SACS: variants seen among roughly 807,000 people sequenced by gnomAD.
SACS encodes the protein sacsin molecular chaperone.
In SACS, 197 loss-of-function variants were observed where a neutral mutation model predicts 348.0. That is an observed-to-expected ratio of 0.57 (90% CI 0.50 to 0.64). The LOEUF (loss-of-function observed/expected upper bound fraction) is 0.64. Among genes scored for constraint, SACS ranks in the 30% least tolerant of loss-of-function variants. The pLI is 0.00. For missense variants in SACS, 4,999 were observed against 5,360.8 expected (o/e 0.93, Z 2.11); for synonymous variants, 1,985 against 1,910.6 (o/e 1.04, Z -1.02).
chr13:23,400,667 G>A (rs908185034), intron 2 of SACS, among the ~76,000 whole-genome samples: 6 of 150,946 alleles, frequency 4.0e-5, no homozygotes, highest in African/African-American at 9.7e-5. Flanking sequence ...TGATCCGCCC[G>A]CCTCGGCCTC....
chr13:23,396,307 G>C (rs1315656394), intron 2 of SACS, among the ~76,000 whole-genome samples: 1 of 141,992 alleles, frequency 7.0e-6, no homozygotes, highest in Non-Finnish European at 1.5e-5. Flanking sequence ...CTGGGCGACA[G>C]AGCCAGAATC....
At chr13:23,384,683 G>A (rs150451210) in intron 2 of SACS, among the ~76,000 whole-genome samples, 54 of 152,210 alleles carry the variant, frequency 3.5e-4, no homozygotes, top group African/African-American at 1.3e-3. Flanking sequence ...AAAAAAACAG[G>A]GCCCAAGGGG....
intron 1 of SACS, among the ~76,000 whole-genome samples, chr13:23,417,869 G>A (rs1289493717): frequency 6.6e-6 from 1 of 151,910 alleles, no homozygotes; most frequent in Non-Finnish European, 1.5e-5. Flanking sequence ...AGGAGTTTGA[G>A]ACCAACCTGG....
chr13:23,388,092 C>T (rs1872368832), intron 2 of SACS, among the ~76,000 whole-genome samples: 2 of 152,146 alleles, frequency 1.3e-5, no homozygotes, highest in East Asian at 3.8e-4. Flanking sequence ...AATCCTGCTA[C>T]GGGGTATCCA....
intron 1 of SACS, among the ~76,000 whole-genome samples, chr13:23,424,481 C>T (rs36118774): frequency 0.079 from 11,970 of 151,480 alleles, 640 homozygotes; most frequent in East Asian, 0.22. Flanking sequence ...GCCGAGATCA[C>T]GCCACTGCCC....
intron 1 of SACS, among the ~76,000 whole-genome samples, chr13:23,421,273 G>T (rs1192612547): frequency 6.6e-6 from 1 of 151,278 alleles, no homozygotes; most frequent in Non-Finnish European, 1.5e-5. Context: ...GGTCCTGGAT[G>T]TCCAGCTGGG....
chr13:23,358,296 T>C, intron 7 of SACS, 39 bp downstream of exon 7: 1 of 1,594,400 alleles, frequency 6.3e-7, no homozygotes, highest in African/African-American at 1.3e-5. Flanking sequence ...TAAGATATAA[T>C]ATTTTCTAAT....
intron 6 of SACS, among the ~76,000 whole-genome samples, chr13:23,359,922 G>A (rs1359890963): frequency 6.6e-6 from 1 of 152,168 alleles, no homozygotes; most frequent in Non-Finnish European, 1.5e-5. Flanking sequence ...AAAATGGCAT[G>A]ACTACTATTT....
At chr13:23,365,423 G>C (rs1415672704) in intron 5 of SACS, 146 bp from the exon 6 acceptor site, 2 of 585,346 alleles carry the variant, frequency 3.4e-6, no homozygotes, top group Non-Finnish European at 5.9e-6. Context: ...GATCTGGTGA[G>C]GCTACTACTG....
Position 23,406,543 on chromosome 13 carries a change from ATATTAAG to A in SACS, c.20+4670_20+4676del, listed in dbSNP as rs1873222788. On this transcript the variant is annotated intron_variant, in intron 2 of 9. Coordinates refer to ENST00000382292, the MANE Select transcript of SACS (RefSeq NM_014363.6). ...TAAAGTATAATAAAAAAAAGTTCTA[ATATTAAG>A]TATTATTTCTCCTAATATCAACTAA... Among the ~76,000 whole-genome samples the A allele has an allele frequency of 3.3e-5, 5 of 152,256 alleles. No homozygotes were observed. In the East Asian group the frequency reaches 9.6e-4, roughly 29 times the overall value.
chr13:23,419,782 T>G (rs1475146960), intron 1 of SACS, among the ~76,000 whole-genome samples: 1 of 152,218 alleles, frequency 6.6e-6, no homozygotes, highest in East Asian at 1.9e-4. Flanking sequence ...TCAGAATGAT[T>G]GAGAAATGTA....
rs1868627212 is a variant in SACS, at chr13:23,336,609, G to T, written c.7267C>A (p.Leu2423Ile). 6.2e-7 allele frequency: 1 copy of T among 1,613,518 alleles called. No homozygotes were observed. ...TKQITEENFQ[L>I]CRRIISEGIW... ...CCTTCACTGATTATTCGTCGGCAAAGCTGAAAATTCTCTTCTGTTATTTGC... is the reference window on the plus strand; with the variant it reads ...CCTTCACTGATTATTCGTCGGCAAATCTGAAAATTCTCTTCTGTTATTTGC... Residue 2423 changes from leucine to isoleucine, a missense_variant, in exon 10 of 10, where the codon CTT (leucine) becomes ATT (isoleucine). Leu to Ile is a conservative substitution (Grantham distance 5). Coordinates refer to ENST00000382292, the MANE Select transcript of SACS (RefSeq NM_014363.6).
In SACS at chr13:23,340,632, C is replaced by T; in HGVS notation, c.3244G>A (p.Asp1082Asn). Residue 1082 changes from aspartate (D) to asparagine (N), a missense_variant, in exon 10 of 10, where the codon GAT becomes AAT. Around this residue, in one of 6 missense-constraint regions of SACS, gnomAD observed 3,156 missense variants for 3,380.1 expected, o/e 0.93. Coordinates refer to ENST00000382292, the MANE Select transcript of SACS (RefSeq NM_014363.6). ...YFPPSVFTSPDILHSLRQIGL... is the reference protein window; with the variant it reads ...YFPPSVFTSPNILHSLRQIGL... ...ATCTGTCTTAAGGAGTGAAGAATAT[C>T]TGGTGAGGTAAAAACTGAGGGTGGG... The T allele has an allele frequency of 3.7e-6, 6 of 1,608,192 alleles. No homozygotes were observed. The highest frequency in any genetic ancestry group is 5.1e-6 in the Non-Finnish European group (6 of 1,178,534).
rs1457947275 is a variant in SACS, at chr13:23,330,804, C to T, written c.13072G>A (p.Glu4358Lys). ...GCCTGTTTTTCTAATCTGTTGATTT[C>T]ATTCTGCAAATGTTTAAAAACTTCA... ...ANEVFKHLQNEINRLEKQAFL... is the reference protein window; with the variant it reads ...ANEVFKHLQNKINRLEKQAFL... Residue 4358 changes from glutamate to lysine, a missense_variant, in exon 10 of 10, where the codon GAA becomes AAA. Glu to Lys is a moderately conservative substitution (Grantham distance 56). This residue lies in a region of SACS where 254 missense variants were observed against 275.1 expected (regional missense o/e 0.92). Coordinates refer to ENST00000382292, the MANE Select transcript of SACS (RefSeq NM_014363.6). 1 of 1,613,922 alleles carries T rather than the reference C, an allele frequency of 6.2e-7. No homozygotes were observed. Among genetic ancestry groups the T allele is most frequent in the Non-Finnish European group, 8.5e-7 (1 of 1,179,980 alleles).
At chr13:23,344,457 A>G (rs987336030) in intron 9 of SACS, among the ~76,000 whole-genome samples, 1 of 152,202 alleles carries the variant, frequency 6.6e-6, no homozygotes, top group Non-Finnish European at 1.5e-5. Context: ...AAAAAACATG[A>G]AAGAAAATAA....
Position 23,331,017 on chromosome 13 carries a change from T to C in SACS, c.12859A>G (p.Lys4287Glu). The part of the protein sequence containing the change: ...PPLFSGRESH[K>E]TSSKHQSPKK... Reference sequence around the variant, plus strand: ...GGGGACTGATGTTTGGAAGAAGTCTTGTGGCTCTCTCTACCAGAGAAAAGA... The same window carrying C: ...GGGGACTGATGTTTGGAAGAAGTCTCGTGGCTCTCTCTACCAGAGAAAAGA... The change falls in exon 10 of 10, where the codon AAG becomes GAG. Residue 4287 changes from lysine to glutamate, a missense_variant. Lys to Glu is a moderately conservative substitution (Grantham distance 56). Transcript: ENST00000382292. 1 of 1,614,144 alleles carries C rather than the reference T, an allele frequency of 6.2e-7. No individual in the cohort carries two copies.
intron 1 of SACS, among the ~76,000 whole-genome samples, chr13:23,426,230 G>A (rs1162364366): frequency 6.6e-6 from 1 of 152,188 alleles, no homozygotes; most frequent in Non-Finnish European, 1.5e-5. Context: ...ATTTTGTCAA[G>A]GTTGAGGACG....
At chr13:23,398,435 G>A (rs1872801062) in intron 2 of SACS, among the ~76,000 whole-genome samples, 1 of 150,704 alleles carries the variant, frequency 6.6e-6, no homozygotes. Flanking sequence ...TCGGGGGGCT[G>A]AGGCAGGAGA....
intron 2 of SACS, among the ~76,000 whole-genome samples, chr13:23,410,518 G>A (rs935458111): frequency 6.6e-6 from 1 of 152,088 alleles, no homozygotes; most frequent in Non-Finnish European, 1.5e-5. Context: ...GATATCTTTA[G>A]GTTACAAGAT....
Sources: gnomAD v4.1 joint callset for allele counts (sites outside exome capture counted in the v4.1 genomes callset) on GRCh38, gnomAD v4.1.1 for gene constraint, gnomAD v4.1.1 regional missense constraint, MANE v1.5 for transcripts, NCBI Gene and HGNC (gene_info 2026-07-23, HGNC 2026-07-21) for gene names.